ANKS1B: variants seen among roughly 807,000 people sequenced by gnomAD.
ANKS1B encodes the protein ankyrin repeat and sterile alpha motif domain containing 1B, also known as ankyrin repeat and sterile alpha motif domain-containing protein 1B.
A neutral mutation model predicts 148.3 loss-of-function variants in ANKS1B; 36 were observed. The ratio of observed to expected loss-of-function variants is 0.24; its 90% CI spans 0.19 to 0.32. The LOEUF (loss-of-function observed/expected upper bound fraction) is 0.32. Ranked by LOEUF, ANKS1B falls within the 10% of genes least tolerant of loss-of-function variation. The probability of loss-of-function intolerance (pLI) is 1.00; values close to 1 mark genes in which losing one functional copy is unlikely to be tolerated. For missense variants in ANKS1B, 1,157 were observed against 1,542.6 expected (o/e 0.75, Z 4.19); for synonymous variants, 542 against 560.8 (o/e 0.97, Z 0.47).
At chr12:99,307,681 T>C (rs1324801061) in intron 12 of ANKS1B, among the ~76,000 whole-genome samples, 1 of 151,774 alleles carries the variant, frequency 6.6e-6, no homozygotes, top group Non-Finnish European at 1.5e-5. Flanking sequence ...TTGTGCTTTT[T>C]GATTCTTTCT....
chr12:98,855,166 A>G (rs2099556948), intron 17 of ANKS1B, among the ~76,000 whole-genome samples: 1 of 90,740 alleles, frequency 1.1e-5, no homozygotes, highest in African/African-American at 9.0e-5. Flanking sequence ...ACTCCGTCTC[A>G]AAAAAAAAAA....
At chr12:99,554,744 T>A (rs1399041188) in intron 9 of ANKS1B, among the ~76,000 whole-genome samples, 2 of 152,180 alleles carry the variant, frequency 1.3e-5, no homozygotes, top group Non-Finnish European at 2.9e-5. Flanking sequence ...AGTTTTGTTA[T>A]ATAGATAATT....
chr12:99,053,655 G>A (rs899491015), intron 16 of ANKS1B, among the ~76,000 whole-genome samples: 4 of 152,304 alleles, frequency 2.6e-5, no homozygotes, highest in Admixed American at 1.3e-4. Context: ...AATTCGATGC[G>A]AAAGTCACCA....
intron 11 of ANKS1B, among the ~76,000 whole-genome samples, chr12:99,437,346 T>C (rs1451115146): frequency 6.6e-6 from 1 of 151,976 alleles, no homozygotes; most frequent in East Asian, 1.9e-4. Context: ...GAATTCAACA[T>C]AGAAATTTGG....
chr12:99,959,164 G>A (rs1175182421), intron 1 of ANKS1B, among the ~76,000 whole-genome samples: 2 of 148,762 alleles, frequency 1.3e-5, no homozygotes, highest in South Asian at 2.1e-4. Context: ...GGGTTCAAGC[G>A]ATTCTCATGC....
intron 9 of ANKS1B, among the ~76,000 whole-genome samples, chr12:99,610,590 A>C (rs2097893176): frequency 1.3e-5 from 2 of 152,228 alleles, no homozygotes; most frequent in East Asian, 1.9e-4. Context: ...GAAAATGGGA[A>C]GCAGGAGAAA....
At chr12:99,366,985 G>A (rs2092802798) in intron 12 of ANKS1B, among the ~76,000 whole-genome samples, 1 of 152,128 alleles carries the variant, frequency 6.6e-6, no homozygotes, top group Non-Finnish European at 1.5e-5. Context: ...CTGACATTTG[G>A]GGATGGATAA....
intron 6 of ANKS1B, among the ~76,000 whole-genome samples, chr12:99,779,495 T>A (rs2153630964): frequency 6.6e-6 from 1 of 152,264 alleles, no homozygotes; most frequent in Admixed American, 6.5e-5. Flanking sequence ...GAAACCAAAG[T>A]AGTAGCAAAT....
chr12:98,787,268 G>C (rs1366784119), intron 22 of ANKS1B, among the ~76,000 whole-genome samples: 1 of 152,162 alleles, frequency 6.6e-6, no homozygotes, highest in Non-Finnish European at 1.5e-5. Flanking sequence ...TTGAAACTGA[G>C]CTTAAAGGCC....
At chr12:99,378,207 T>C (rs1054641140) in intron 12 of ANKS1B, among the ~76,000 whole-genome samples, 2 of 152,212 alleles carry the variant, frequency 1.3e-5, no homozygotes, top group Non-Finnish European at 2.9e-5. Context: ...TCTAAGGAAG[T>C]GTCTTTCATC....
At chr12:99,810,888 C>T (rs543369218) in intron 3 of ANKS1B, among the ~76,000 whole-genome samples, 3 of 151,962 alleles carry the variant, frequency 2.0e-5, no homozygotes, top group South Asian at 4.1e-4. Context: ...AGAATAACCA[C>T]CAGATGGCTC....
At chr12:98,971,422 T>C (rs1454638825) in intron 17 of ANKS1B, among the ~76,000 whole-genome samples, 1 of 152,174 alleles carries the variant, frequency 6.6e-6, no homozygotes, top group Non-Finnish European at 1.5e-5. Context: ...CTTTAGAAAT[T>C]CCTCTTTGAC....
chr12:99,692,533 T>C (rs866249815), intron 8 of ANKS1B, among the ~76,000 whole-genome samples: 1 of 151,792 alleles, frequency 6.6e-6, no homozygotes, highest in Admixed American at 6.6e-5. Context: ...TAGCTGGGCA[T>C]GGTGGTGCAT....
Position 98,745,483 on chromosome 12 carries a change from A to AG in ANKS1B, c.*255dup, listed in dbSNP as rs983000101. The AG allele has an allele frequency of 5.4e-6, 6 of 1,104,396 alleles. No homozygotes were observed. The African/African-American group carries it at 7.1e-5, about 13-fold the overall frequency. 68.4% of individuals were successfully genotyped at this position (1,104,396 alleles called of 1,614,324 possible). Reference sequence around the variant, plus strand: ...AGAAATACCTTGGGAGGTGGTGGGGAGGGGAGTCGGGAGCATCAGGGAAAA... The same window carrying AG: ...AGAAATACCTTGGGAGGTGGTGGGGAGGGGGAGTCGGGAGCATCAGGGAAAA... On this transcript the variant is annotated 3_prime_UTR_variant, in exon 27 of 27. Transcript: ENST00000683438.
chr12:98,875,019 A>T (rs1595999503), intron 17 of ANKS1B, among the ~76,000 whole-genome samples: 1 of 152,252 alleles, frequency 6.6e-6, no homozygotes, highest in Non-Finnish European at 1.5e-5. Flanking sequence ...CAGTTTAAAC[A>T]AAAGTGTAAC....
At chr12:99,293,760 T>G (rs959055001) in intron 12 of ANKS1B, among the ~76,000 whole-genome samples, 1 of 152,130 alleles carries the variant, frequency 6.6e-6, no homozygotes, top group African/African-American at 2.4e-5. Flanking sequence ...AATACAATAT[T>G]TGCAAACTAT....
rs79312242 is a variant in ANKS1B, at chr12:99,270,218, G to A, written c.1757-23354C>T. Among the ~76,000 whole-genome samples the A allele has an allele frequency of 6.8e-3, 1,031 of 152,184 alleles. 16 individuals carry two copies. Among genetic ancestry groups the A allele is most frequent in the African/African-American group, 0.023 (964 of 41,520 alleles). On this transcript the variant is annotated intron_variant, in intron 12 of 26. Transcript: ENST00000683438. ...TACCTAGTCAGTATCTCAGCCCATC[G>A]GATTTTATCTCCTTTTCTAAAATTG...
intron 9 of ANKS1B, chr12:99,648,605 C>A: frequency 6.2e-7 from 1 of 1,614,204 alleles, no homozygotes; most frequent in South Asian, 1.1e-5. Context: ...AAGCTTGCCA[C>A]GGGCCGCTCT....
chr12:99,666,857 GGTGTGTGTGTGTGTGTGTGTGTGTGT>G (rs3083633), intron 8 of ANKS1B, among the ~76,000 whole-genome samples: 1 of 132,536 alleles, frequency 7.5e-6, no homozygotes, highest in Non-Finnish European at 1.7e-5. Context: ...GTTACTATGG[GGTGTGTGTGTGTGTGTGTGTGTGTGT>G]GTGTGTGTGT....
Sources: gnomAD v4.1 joint callset for allele counts (sites outside exome capture counted in the v4.1 genomes callset) on GRCh38, gnomAD v4.1.1 for gene constraint, MANE v1.5 for transcripts, NCBI Gene and HGNC (gene_info 2026-07-23, HGNC 2026-07-21) for gene names.